Variants in ORC4 observed in about 807,000 individuals in gnomAD.
ORC4 encodes the protein origin recognition complex subunit 4, also known as origin recognition complex, subunit 4 homolog.
In ORC4, 55 loss-of-function variants were observed where a neutral mutation model predicts 63.9. The ratio of observed to expected loss-of-function variants is 0.86; its 90% CI spans 0.69 to 1.08. The LOEUF (loss-of-function observed/expected upper bound fraction) is 1.08, where lower values mean the gene tolerates loss of function less well. ORC4 is among the 50% of genes least tolerant of loss of function. ORC4 has a pLI of 0.00. For missense variants in ORC4, 511 were observed against 504.4 expected (o/e 1.01, Z -0.13); for synonymous variants, 150 against 168.5 (o/e 0.89, Z 0.85).
intron 1 of ORC4, among the ~76,000 whole-genome samples, chr2:148,007,012 C>T (rs1553461449): frequency 6.6e-6 from 1 of 152,248 alleles, no homozygotes; most frequent in Non-Finnish European, 1.5e-5. Flanking sequence ...CCAAGTCCAT[C>T]AGGACTGTGT....
Position 147,993,360 on chromosome 2 carries a change from G to GA in ORC4, c.-17-17386dup, listed in dbSNP as rs199702039. Reference sequence around the variant, plus strand: ...GTAAATATTAAACTATTTTTGGAAGGAAAAAAAACTGAAAATAACATTGCT... The same window carrying GA: ...GTAAATATTAAACTATTTTTGGAAGGAAAAAAAAACTGAAAATAACATTGCT... On this transcript the variant is annotated intron_variant, in intron 1 of 13. Coordinates refer to ENST00000392857, the MANE Select transcript of ORC4 (RefSeq NM_181741.4). Among the ~76,000 whole-genome samples the GA allele has an allele frequency of 9.9e-5, 15 of 151,238 alleles. No homozygotes were observed. In the East Asian group the frequency reaches 1.9e-3, roughly 20 times the overall value.
chr2:147,989,709 AAAC>A (rs146330983), intron 1 of ORC4, among the ~76,000 whole-genome samples: 8,867 of 152,126 alleles, frequency 0.058, 840 homozygotes, highest in African/African-American at 0.2. Flanking sequence ...CTCATCTCAA[AAAC>A]AACAACAATA....
intron 13 of ORC4, among the ~76,000 whole-genome samples, chr2:147,936,077 A>C (rs1257675558): frequency 6.6e-6 from 1 of 152,154 alleles, no homozygotes; most frequent in Non-Finnish European, 1.5e-5. Flanking sequence ...TCAATTCCCT[A>C]GGCTACTCAG....
chr2:147,979,407 GA>G (rs769091568), intron 1 of ORC4, among the ~76,000 whole-genome samples: 3 of 152,040 alleles, frequency 2.0e-5, no homozygotes, highest in Non-Finnish European at 4.4e-5. Context: ...GTCTGTCACT[GA>G]AAACTATACA....
intron 1 of ORC4, among the ~76,000 whole-genome samples, chr2:147,983,306 G>A (rs1690999461): frequency 6.6e-6 from 1 of 152,154 alleles, no homozygotes; most frequent in African/African-American, 2.4e-5. Flanking sequence ...CAAAACACTG[G>A]AACCGATTCA....
chr2:147,957,471 G>A (rs916530777), intron 6 of ORC4, among the ~76,000 whole-genome samples: 1 of 151,638 alleles, frequency 6.6e-6, no homozygotes, highest in Admixed American at 6.6e-5. Flanking sequence ...TATGAGGCTA[G>A]GTAATTTCAT....
chr2:147,969,086 G>A (rs1403039023), intron 4 of ORC4, among the ~76,000 whole-genome samples: 1 of 151,964 alleles, frequency 6.6e-6, no homozygotes, highest in African/African-American at 2.4e-5. Context: ...AGAAAAGTAG[G>A]TCTTACAGAA....
chr2:148,000,858 A>G (rs2105432955), intron 1 of ORC4, among the ~76,000 whole-genome samples: 1 of 152,248 alleles, frequency 6.6e-6, no homozygotes, highest in South Asian at 2.1e-4. Context: ...TTAAACTATC[A>G]ATGGGAAGAT....
chr2:147,953,570 A>G (rs568742548), intron 7 of ORC4, among the ~76,000 whole-genome samples: 62 of 152,332 alleles, frequency 4.1e-4, no homozygotes, highest in African/African-American at 1.5e-3. Flanking sequence ...AATACAAGGT[A>G]CATTTCTTGT....
intron 1 of ORC4, among the ~76,000 whole-genome samples, chr2:147,990,001 T>C (rs1266580312): frequency 6.6e-6 from 1 of 152,202 alleles, no homozygotes; most frequent in African/African-American, 2.4e-5. Flanking sequence ...AAAGAACTCT[T>C]AGTAAATTAA....
At chr2:147,947,951 T>C (rs1688745936) in intron 9 of ORC4, 100 bp downstream of exon 9, 3 of 924,498 alleles carry the variant, frequency 3.2e-6, no homozygotes, top group Non-Finnish European at 5.3e-6. Context: ...TTCAGCAATA[T>C]TAGAAACTTT....
At chr2:148,005,882 G>A (rs1393833217) in intron 1 of ORC4, among the ~76,000 whole-genome samples, 2 of 151,976 alleles carry the variant, frequency 1.3e-5, no homozygotes, top group Non-Finnish European at 1.5e-5. Context: ...AGGCTGAGGT[G>A]GGAGGATCAC....
intron 7 of ORC4, 33 bp downstream of exon 7, chr2:147,955,314 T>A: frequency 6.8e-7 from 1 of 1,463,410 alleles, no homozygotes; most frequent in Non-Finnish European, 9.5e-7. Context: ...TTAAAACAGA[T>A]CTTCTGAAAC....
At chr2:147,949,407 G>C (rs989780971) in intron 8 of ORC4, among the ~76,000 whole-genome samples, 2 of 152,118 alleles carry the variant, frequency 1.3e-5, no homozygotes, top group African/African-American at 4.8e-5. Context: ...TAGCAGATTA[G>C]TGGTTGCATA....
chr2:147,944,310 A>G (rs1688536028), intron 9 of ORC4, among the ~76,000 whole-genome samples: 1 of 152,150 alleles, frequency 6.6e-6, no homozygotes, highest in Non-Finnish European at 1.5e-5. Flanking sequence ...TTTAAGTAGT[A>G]GGTGGGAAAA....
intron 6 of ORC4, among the ~76,000 whole-genome samples, chr2:147,957,136 T>G (rs1488019476): frequency 6.8e-6 from 1 of 147,712 alleles, no homozygotes; most frequent in South Asian, 2.1e-4. Flanking sequence ...GATTATAATC[T>G]ATAATTACAT....
intron 7 of ORC4, among the ~76,000 whole-genome samples, chr2:147,954,962 T>TA (rs1344955465): frequency 6.6e-6 from 1 of 151,910 alleles, no homozygotes; most frequent in Non-Finnish European, 1.5e-5. Flanking sequence ...TTCTTAATTA[T>TA]AAAAAATTAG....
chr2:147,941,176 G>C (rs937274463), intron 10 of ORC4, among the ~76,000 whole-genome samples: 3 of 151,786 alleles, frequency 2.0e-5, no homozygotes, highest in Non-Finnish European at 2.9e-5. Flanking sequence ...ATCAATTCTG[G>C]TTTATTCATT....
intron 1 of ORC4, among the ~76,000 whole-genome samples, chr2:148,009,340 T>G (rs904501900): frequency 6.6e-6 from 1 of 151,894 alleles, no homozygotes; most frequent in Admixed American, 6.6e-5. Flanking sequence ...TGGACTAAAT[T>G]CTTCACTATA....
Sources: gnomAD v4.1 joint callset for allele counts (sites outside exome capture counted in the v4.1 genomes callset) on GRCh38, gnomAD v4.1.1 for gene constraint, MANE v1.5 for transcripts, NCBI Gene and HGNC (gene_info 2026-07-23, HGNC 2026-07-21) for gene names.